COL14A1: variants seen among roughly 807,000 people sequenced by gnomAD.
COL14A1 encodes collagen alpha-1(XIV) chain.
Under a neutral mutation model 230.3 loss-of-function variants are expected in COL14A1, and 136 were observed. That is an observed-to-expected ratio of 0.59 (90% CI 0.51 to 0.68). The LOEUF (loss-of-function observed/expected upper bound fraction) is 0.68, where lower values mean the gene tolerates loss of function less well. Among genes scored for constraint, COL14A1 ranks in the 30% least tolerant of loss-of-function variants. The pLI is 0.00. For synonymous variants in COL14A1, 792 were observed against 784.1 expected (o/e 1.01, Z -0.17); for missense variants, 1,976 against 2,215.8 (o/e 0.89, Z 2.17).
At chr8:120,283,368 T>A (rs1050944610) in intron 31 of COL14A1, among the ~76,000 whole-genome samples, 2 of 152,202 alleles carry the variant, frequency 1.3e-5, no homozygotes, top group African/African-American at 4.8e-5. Context: ...GAGAAGACTG[T>A]ACAGCCATGA....
At position 120,196,956 on chromosome 8, in the gene COL14A1, C is replaced by T; in HGVS notation, c.592+10C>T. On this transcript the variant is annotated intron_variant, in intron 6 of 47. Coordinates refer to ENST00000297848, the MANE Select transcript of COL14A1 (RefSeq NM_021110.4). Reference sequence around the variant, plus strand: ...GAGAAGACACGAATTGGTATAATTTCTATTATTAGCAGTAGCAGTCAGTTG... The same window carrying T: ...GAGAAGACACGAATTGGTATAATTTTTATTATTAGCAGTAGCAGTCAGTTG... 1 of 1,612,562 alleles carries T rather than the reference C, an allele frequency of 6.2e-7. No individual in the cohort carries two copies. The highest frequency in any genetic ancestry group is 8.5e-7 in the Non-Finnish European group (1 of 1,179,384).
rs1817505123 is a variant in COL14A1, at chr8:120,208,237, G to A, written c.1197G>A (p.Val399=). Residue 399 remains valine (V), a synonymous_variant, in exon 11 of 48, where the codon GTG becomes GTA. Transcript: ENST00000297848. ...TCAAACTGTTCTTTAAACAGGTGGT[G>A]GTAGATGGAACTGTATCTTCCACAG... ...PTRGGKPDEV[V]VDGTVSSTVL... 1 of 1,609,086 alleles carries A rather than the reference G, an allele frequency of 6.2e-7. No homozygotes were observed. The highest frequency in any genetic ancestry group is 8.5e-7 in the Non-Finnish European group (1 of 1,176,826).
intron 5 of COL14A1, among the ~76,000 whole-genome samples, chr8:120,193,865 A>G (rs1368731664): frequency 6.6e-6 from 1 of 152,204 alleles, no homozygotes; most frequent in Non-Finnish European, 1.5e-5. Context: ...GGTGTGGGAT[A>G]TAATCTCCTG....
chr8:120,206,281 A>AT (rs1817428315), intron 9 of COL14A1, among the ~76,000 whole-genome samples: 1 of 152,196 alleles, frequency 6.6e-6, no homozygotes, highest in Non-Finnish European at 1.5e-5. Flanking sequence ...AGTAGATGAG[A>AT]TAAAAAAAAC....
chr8:120,210,589 A>C (rs1243372553), intron 12 of COL14A1, among the ~76,000 whole-genome samples: 2 of 152,224 alleles, frequency 1.3e-5, no homozygotes, highest in Non-Finnish European at 2.9e-5. Flanking sequence ...TTTGACCTTC[A>C]GATGACTTTC....
At chr8:120,306,521 T>C (rs764198719) in intron 36 of COL14A1, among the ~76,000 whole-genome samples, 4 of 152,212 alleles carry the variant, frequency 2.6e-5, no homozygotes, top group Non-Finnish European at 5.9e-5. Context: ...CATTCTTTAA[T>C]TGTTTTCTCA....
chr8:120,367,569 T>TG (rs1448811210), intron 46 of COL14A1, among the ~76,000 whole-genome samples: 1 of 152,092 alleles, frequency 6.6e-6, no homozygotes, highest in Non-Finnish European at 1.5e-5. Flanking sequence ...TTCATATGAA[T>TG]AAGGTAGCTC....
intron 11 of COL14A1, among the ~76,000 whole-genome samples, chr8:120,208,574 C>T (rs1817521547): frequency 6.6e-6 from 1 of 152,026 alleles, no homozygotes; most frequent in South Asian, 2.1e-4. Flanking sequence ...TTATAAATCT[C>T]TGATAGGTTT....
At chr8:120,287,589 A>T (rs1179696322) in intron 33 of COL14A1, among the ~76,000 whole-genome samples, 1 of 152,164 alleles carries the variant, frequency 6.6e-6, no homozygotes, top group Non-Finnish European at 1.5e-5. Context: ...TTATTTCCTT[A>T]CCAGAAGAAC....
intron 4 of COL14A1, among the ~76,000 whole-genome samples, chr8:120,163,629 G>C (rs1427499421): frequency 2.0e-5 from 3 of 152,120 alleles, no homozygotes; most frequent in Non-Finnish European, 2.9e-5. Flanking sequence ...CGGGCGTGGT[G>C]GCACACACCT....
At chr8:120,328,545 T>C (rs1436885464) in intron 40 of COL14A1, among the ~76,000 whole-genome samples, 1 of 152,084 alleles carries the variant, frequency 6.6e-6, no homozygotes, top group Non-Finnish European at 1.5e-5. Flanking sequence ...GCCTCCACTT[T>C]TGATTTGATC....
chr8:120,132,299 A>G (rs1175778493), intron 1 of COL14A1, among the ~76,000 whole-genome samples: 1 of 152,174 alleles, frequency 6.6e-6, no homozygotes, highest in Non-Finnish European at 1.5e-5. Context: ...TTCCAACACC[A>G]TTTATTGAAG....
At chr8:120,339,759 AGGT>A (rs1172134502) in intron 42 of COL14A1, among the ~76,000 whole-genome samples, 2 of 152,120 alleles carry the variant, frequency 1.3e-5, no homozygotes, top group Non-Finnish European at 2.9e-5. Flanking sequence ...AGTGTTGGCC[AGGT>A]GCAGTGGCTC....
chr8:120,325,647 C>T (rs561289987), intron 40 of COL14A1, among the ~76,000 whole-genome samples: 19 of 152,190 alleles, frequency 1.2e-4, no homozygotes, highest in Admixed American at 3.9e-4. Context: ...CGTAACGTAC[C>T]GCACCCAGCT....
chr8:120,163,851 T>C (rs1815774452), intron 4 of COL14A1, among the ~76,000 whole-genome samples: 1 of 152,196 alleles, frequency 6.6e-6, no homozygotes, highest in Admixed American at 6.5e-5. Flanking sequence ...TCTTTTTTTT[T>C]TCTGTTGAAC....
At chr8:120,253,943 G>C (rs1819058083) in intron 22 of COL14A1, among the ~76,000 whole-genome samples, 1 of 152,076 alleles carries the variant, frequency 6.6e-6, no homozygotes, top group Non-Finnish European at 1.5e-5. Flanking sequence ...AAACAAAAAA[G>C]TTATATAAAT....
intron 2 of COL14A1, 25 bp from the exon 3 acceptor site, chr8:120,158,105 C>A: frequency 8.1e-7 from 1 of 1,228,812 alleles, no homozygotes; most frequent in Non-Finnish European, 1.2e-6. Context: ...ACAATGTTTA[C>A]ATCATTTTTG....
chr8:120,312,991 C>T lies in COL14A1; in HGVS notation c.4456-941C>T, dbSNP rs183352175. 5.9e-3 allele frequency among the ~76,000 whole-genome samples: 902 copies of T among 152,128 alleles called. 15 individuals carry two copies. The highest frequency in any genetic ancestry group is 5.0e-3 in the Admixed American group (76 of 15,290). On this transcript the variant is annotated intron_variant, in intron 37 of 47. Transcript: ENST00000297848. ...TTACATGGTTTAGTTTTAGTTAAAC[C>T]GCAACAAGATCCAAGCTACAGAAAT...
intron 45 of COL14A1, among the ~76,000 whole-genome samples, chr8:120,348,259 C>T (rs1822598781): frequency 6.9e-6 from 1 of 145,168 alleles, no homozygotes; most frequent in South Asian, 2.2e-4. Context: ...ATATATGAAG[C>T]ATATATAAAG....
Sources: allele counts gnomAD v4.1 joint callset (sites outside exome capture counted in the v4.1 genomes callset), GRCh38; gene constraint gnomAD v4.1.1; transcripts MANE v1.5; gene names NCBI Gene and HGNC (gene_info 2026-07-23, HGNC 2026-07-21).